DNM3: variants seen among roughly 807,000 people sequenced by gnomAD.
DNM3 encodes dynamin-3.
In DNM3, 47 loss-of-function variants were observed where a neutral mutation model predicts 101.6. The ratio of observed to expected loss-of-function variants is 0.46; its 90% CI spans 0.37 to 0.59. DNM3 has a LOEUF of 0.59. Ranked by LOEUF, DNM3 falls within the 20% of genes least tolerant of loss-of-function variation. The pLI, the probability that DNM3 is intolerant of heterozygous loss-of-function variation, is 0.00. For missense variants in DNM3, 849 were observed against 1,085.7 expected, an observed-to-expected ratio of 0.78 and a Z score of 3.06; for synonymous variants, 385 against 387.9, an observed-to-expected ratio of 0.99 and a Z score of 0.09.
Position 171,883,396 on chromosome 1 carries a change from CACACACACACACACACACCCT to C in DNM3, c.162-38351_162-38331del, listed in dbSNP as rs1558209655. Among the ~76,000 whole-genome samples, 54 of 119,574 alleles carry C rather than the reference CACACACACACACACACACCCT, an allele frequency of 4.5e-4. 1 individual carries two copies. Among genetic ancestry groups the C allele is most frequent in the African/African-American group, 1.5e-3 (49 of 31,836 alleles). 78.4% of individuals were successfully genotyped at this position (119,574 alleles called of 152,430 possible). On this transcript the variant is annotated intron_variant, in intron 1 of 20. Transcript: ENST00000627582. ...ACACACACACACACACACACACACA[CACACACACACACACACACCCT>C]GTCAGAATGAATACCATCAATCTAT...
chr1:171,898,779 AT>A lies in DNM3; in HGVS notation c.162-22959del, dbSNP rs566343135. ...TTTTTCACTTAATAGTAGAGAGTGA[AT>A]TTTTTTTTTCATATTTACTATTCTG... On this transcript the variant is annotated intron_variant, in intron 1 of 20. Coordinates refer to ENST00000627582, the MANE Select transcript of DNM3 (RefSeq NM_015569.5). Among the ~76,000 whole-genome samples the A allele has an allele frequency of 2.6e-3, 387 of 149,754 alleles. 1 individual carries two copies. Among genetic ancestry groups the A allele is most frequent in the African/African-American group, 8.8e-3 (358 of 40,844 alleles).
intron 1 of DNM3, among the ~76,000 whole-genome samples, chr1:171,862,004 G>T (rs914787296): frequency 6.6e-6 from 1 of 152,232 alleles, no homozygotes; most frequent in East Asian, 1.9e-4. Flanking sequence ...AGTCAGTAGA[G>T]AAGCAAATTA....
chr1:172,148,542 C>T (rs775960654), intron 14 of DNM3, among the ~76,000 whole-genome samples: 12 of 152,052 alleles, frequency 7.9e-5, no homozygotes, highest in Non-Finnish European at 1.6e-4. Context: ...AACATTGAAC[C>T]AACCATATTT....
chr1:172,192,159 G>T (rs1026010246), intron 14 of DNM3, among the ~76,000 whole-genome samples: 3 of 152,042 alleles, frequency 2.0e-5, no homozygotes, highest in Admixed American at 2.0e-4. Flanking sequence ...ATTATTTTGA[G>T]ATACACTCCA....
At chr1:171,984,566 C>T (rs2045100336) in intron 2 of DNM3, among the ~76,000 whole-genome samples, 1 of 152,178 alleles carries the variant, frequency 6.6e-6, no homozygotes, top group Non-Finnish European at 1.5e-5. Flanking sequence ...GTCATGGAAG[C>T]CTTCCTTATC....
intron 17 of DNM3, among the ~76,000 whole-genome samples, chr1:172,325,760 G>A (rs145057340): frequency 7.2e-5 from 11 of 152,244 alleles, no homozygotes; most frequent in Non-Finnish European, 1.2e-4. Context: ...TGCCATATAC[G>A]TGAGCCAGCT....
chr1:172,108,925 GT>G (rs1399694666), intron 13 of DNM3, among the ~76,000 whole-genome samples: 1 of 152,112 alleles, frequency 6.6e-6, no homozygotes, highest in Non-Finnish European at 1.5e-5. Flanking sequence ...TTTGGAAATG[GT>G]GAACAAAAAT....
intron 15 of DNM3, among the ~76,000 whole-genome samples, chr1:172,297,989 A>T: frequency 6.6e-6 from 1 of 151,458 alleles, no homozygotes. Flanking sequence ...CACCCTCATC[A>T]TTTCTGTCCT....
intron 1 of DNM3, among the ~76,000 whole-genome samples, chr1:171,919,707 G>A (rs956053706): frequency 1.4e-4 from 22 of 152,086 alleles, no homozygotes; most frequent in Admixed American, 2.0e-4. Context: ...CTAATATAGC[G>A]CATGAAGAAT....
At chr1:172,089,959 A>G (rs888423890) in intron 12 of DNM3, among the ~76,000 whole-genome samples, 2 of 152,186 alleles carry the variant, frequency 1.3e-5, no homozygotes, top group African/African-American at 4.8e-5. Context: ...TACACATTTT[A>G]TAGCTGAGCG....
At chr1:172,288,905 C>G (rs1267912129) in intron 15 of DNM3, among the ~76,000 whole-genome samples, 1 of 152,116 alleles carries the variant, frequency 6.6e-6, no homozygotes, top group Non-Finnish European at 1.5e-5. Flanking sequence ...CTTAGTATTT[C>G]TCATAGAAAG....
At chr1:172,063,999 T>A (rs1316482276) in intron 10 of DNM3, among the ~76,000 whole-genome samples, 1 of 152,156 alleles carries the variant, frequency 6.6e-6, no homozygotes, top group African/African-American at 2.4e-5. Context: ...TTTATCTGTA[T>A]AGGCAACCTG....
chr1:172,291,924 T>C (rs2063932678), intron 15 of DNM3, among the ~76,000 whole-genome samples: 1 of 152,190 alleles, frequency 6.6e-6, no homozygotes, highest in African/African-American at 2.4e-5. Flanking sequence ...AATATATTTT[T>C]TGCCAGAATC....
In DNM3 at chr1:172,150,364, T is replaced by C. The variant is rs910468748; in HGVS notation, c.1659+19076T>C. On this transcript the variant is annotated intron_variant, in intron 14 of 20. Coordinates refer to ENST00000627582, the MANE Select transcript of DNM3 (RefSeq NM_015569.5). ...ATATCTTTATAAACACTTATTTTAGTATTAATCAACTAAAAATGATTTCCA... is the reference window on the plus strand; with the variant it reads ...ATATCTTTATAAACACTTATTTTAGCATTAATCAACTAAAAATGATTTCCA... Among the ~76,000 whole-genome samples, 14 of 152,198 alleles carry C rather than the reference T, an allele frequency of 9.2e-5. No homozygotes were observed. The East Asian group carries it at 2.7e-3, about 29-fold the overall frequency.
In DNM3 at chr1:172,253,626, G is replaced by A. The variant is rs1174778788; in HGVS notation, c.1713G>A (p.Val571=). 3 of 1,595,290 alleles carry A rather than the reference G, an allele frequency of 1.9e-6. No individual in the cohort carries two copies. The highest frequency in any genetic ancestry group is 1.3e-5 in the African/African-American group (1 of 74,510). ...LPLDNLKVRD[V]EKSFMSSKHI... The stretch of plus-strand genomic sequence containing the variant: ...TGGACAACCTGAAAGTTCGGGATGT[G>A]GAAAAGAGCTTTATGTCTAGCAAGC... The change falls in exon 15 of 21, where the codon GTG becomes GTA. Residue 571 remains valine, a synonymous_variant. Transcript: ENST00000627582.
chr1:172,320,801 C>T (rs981891602), intron 16 of DNM3, among the ~76,000 whole-genome samples: 4 of 152,048 alleles, frequency 2.6e-5, no homozygotes, highest in African/African-American at 9.7e-5. Context: ...GAAAGGCTGT[C>T]GGGAGCTGAG....
chr1:172,040,352 G>A (rs1222954348), intron 7 of DNM3, among the ~76,000 whole-genome samples: 1 of 152,230 alleles, frequency 6.6e-6, no homozygotes, highest in East Asian at 1.9e-4. Context: ...TTTGATGGAA[G>A]GGAATGAAAA....
intron 13 of DNM3, among the ~76,000 whole-genome samples, chr1:172,123,374 G>A (rs1320315562): frequency 6.6e-6 from 1 of 151,954 alleles, no homozygotes; most frequent in Non-Finnish European, 1.5e-5. Flanking sequence ...CATATAGCTG[G>A]CCACTTACAA....
chr1:171,994,285 T>A (rs936592754), intron 4 of DNM3, among the ~76,000 whole-genome samples: 2 of 152,208 alleles, frequency 1.3e-5, no homozygotes, highest in Non-Finnish European at 2.9e-5. Flanking sequence ...AGGTGCTATT[T>A]ATTTGGTTAC....
Sources: gnomAD v4.1 joint callset for allele counts (sites outside exome capture counted in the v4.1 genomes callset) on GRCh38, gnomAD v4.1.1 for gene constraint, MANE v1.5 for transcripts, NCBI Gene and HGNC (gene_info 2026-07-23, HGNC 2026-07-21) for gene names.